ABHD4: variants seen among roughly 807,000 people sequenced by gnomAD.
ABHD4 encodes the protein abhydrolase domain containing 4, N-acyl phospholipase B.
ABHD4 carries 35 observed loss-of-function variants against 42.3 expected under a neutral mutation model. That is an observed-to-expected ratio of 0.83 (90% CI 0.63 to 1.10). The LOEUF (loss-of-function observed/expected upper bound fraction) is 1.10. ABHD4 is among the 50% of genes least tolerant of loss of function. The pLI, the probability that ABHD4 is intolerant of heterozygous loss-of-function variation, is 0.00. For synonymous variants in ABHD4, 169 were observed against 170.6 expected (o/e 0.99, Z 0.07); for missense variants, 389 against 454.8 (o/e 0.86, Z 1.32).
chr14:22,605,284 G>T (rs1327182689), intron 4 of ABHD4, among the ~76,000 whole-genome samples: 1 of 152,152 alleles, frequency 6.6e-6, no homozygotes, highest in Non-Finnish European at 1.5e-5. Flanking sequence ...GCAGAAAAGT[G>T]CAATCTTTTC....
At chr14:22,608,492 C>T (rs935902962) in intron 5 of ABHD4, among the ~76,000 whole-genome samples, 19 of 152,186 alleles carry the variant, frequency 1.2e-4, no homozygotes, top group African/African-American at 4.6e-4. Flanking sequence ...GAAACTGCTG[C>T]TCCCCCAGCC....
chr14:22,603,610 A>T lies in ABHD4; in HGVS notation c.333A>T (p.Pro111=). The change falls in exon 3 of 7, where the codon CCA becomes CCT. Residue 111 remains proline (P), a synonymous_variant. Coordinates refer to ENST00000428304, the MANE Select transcript of ABHD4 (RefSeq NM_022060.3). ...DLLGFGRSSR[P]AFPRDPEGAE... ...TTGGCTTCGGGCGAAGCTCAAGGCC[A>T]GCATTCCCAAGGGACCCGGAGGGGG... The T allele has an allele frequency of 6.2e-7, 1 of 1,614,214 alleles. No homozygotes were observed. Among genetic ancestry groups the T allele is most frequent in the Non-Finnish European group, 8.5e-7 (1 of 1,180,036 alleles).
At chr14:22,606,356 C>A in intron 4 of ABHD4, 66 bp from the exon 5 acceptor site, 3 of 1,030,938 alleles carry the variant, frequency 2.9e-6, no homozygotes, top group Non-Finnish European at 4.5e-6. Context: ...AAAACATACA[C>A]AGGCAGGAGT....
chr14:22,608,448 G>A (rs948577257), intron 5 of ABHD4, among the ~76,000 whole-genome samples: 1 of 152,206 alleles, frequency 6.6e-6, no homozygotes, highest in East Asian at 1.9e-4. Flanking sequence ...GAGTGAAATA[G>A]ATTACATTGG....
rs201330245 is a variant in ABHD4 at position 22,602,554 on chromosome 14, A to G, written c.112+799A>G. ...GTCTCTCACCCGAGGCTCAGTCCAC[A>G]CCCATCACTCCCTCCAACTGGCTGG... On this transcript the variant is annotated intron_variant, in intron 2 of 6. Transcript: ENST00000428304. 2.6e-5 allele frequency among the ~76,000 whole-genome samples: 4 copies of G among 151,888 alleles called. No individual in the cohort carries two copies. In the East Asian group the frequency reaches 7.8e-4, roughly 30 times the overall value.
chr14:22,603,685 G>A lies in ABHD4; in HGVS notation c.408G>A (p.Gly136=), dbSNP rs762167404. The change falls in exon 3 of 7, where the codon GGG becomes GGA. Residue 136 remains glycine, a synonymous_variant. Transcript: ENST00000428304. ...TSIETWRETM[G]IPSMILLGHS... ...TAGAGACATGGCGGGAGACCATGGG[G>A]ATCCCCAGCATGATCCTCCTGGGGC... The A allele has an allele frequency of 5.0e-6, 8 of 1,612,226 alleles. No individual in the cohort carries two copies. In the Admixed American group the frequency reaches 5.0e-5, roughly 10 times the overall value.
At chr14:22,603,298 A>C in intron 2 of ABHD4, 92 bp from the exon 3 acceptor site, 1 of 1,513,190 alleles carries the variant, frequency 6.6e-7, no homozygotes, top group Non-Finnish European at 9.1e-7. Context: ...GGGTTCGGGA[A>C]TGGAGAGAAT....
Position 22,603,628 on chromosome 14 carries a change from G to C in ABHD4, c.351G>C (p.Pro117=). 1.2e-6 allele frequency: 2 copies of C among 1,614,142 alleles called. No individual in the cohort carries two copies. The highest frequency in any genetic ancestry group is 1.7e-6 in the Non-Finnish European group (2 of 1,180,022). Reference sequence around the variant, plus strand: ...CAAGGCCAGCATTCCCAAGGGACCCGGAGGGGGCTGAGGATGAGTTTGTGA... The same window carrying C: ...CAAGGCCAGCATTCCCAAGGGACCCCGAGGGGGCTGAGGATGAGTTTGTGA... The part of the protein sequence containing the change: ...RSSRPAFPRD[P]EGAEDEFVTS... Residue 117 remains proline (P), a synonymous_variant, in exon 3 of 7, where the codon CCG becomes CCC. Coordinates refer to ENST00000428304, the MANE Select transcript of ABHD4 (RefSeq NM_022060.3).
At chr14:22,600,829 GGGGTGTGTGTGTGTGTGTGTGTGT>G (rs1461204014) in intron 1 of ABHD4, among the ~76,000 whole-genome samples, 6 of 125,222 alleles carry the variant, frequency 4.8e-5, no homozygotes, top group Non-Finnish European at 6.8e-5. Context: ...GTCCAGCAGG[GGGGTGTGTGTGTGTGTGTGTGTGT>G]GTGTGTGTGT....
Position 22,603,709 on chromosome 14 carries a change from G to T in ABHD4, c.432G>T (p.Gly144=). Residue 144 remains glycine (G), a synonymous_variant, in exon 3 of 7, where the codon GGG becomes GGT. Transcript: ENST00000428304. ...GGATCCCCAGCATGATCCTCCTGGG[G>T]CACAGTTTGGGAGGATTCCTGGCCA... The part of the protein sequence containing the change: ...TMGIPSMILL[G]HSLGGFLATS... 1 of 1,605,570 alleles carries T rather than the reference G, an allele frequency of 6.2e-7. No individual in the cohort carries two copies. The highest frequency in any genetic ancestry group is 8.5e-7 in the Non-Finnish European group (1 of 1,175,140).
In ABHD4 at chr14:22,611,696, G is replaced by A. The variant is rs187531751; in HGVS notation, c.*748G>A. On this transcript the variant is annotated 3_prime_UTR_variant, in exon 7 of 7. Coordinates refer to ENST00000428304, the MANE Select transcript of ABHD4 (RefSeq NM_022060.3). ...ATGGGGCTGGTCCTAGTCACTGGCC[G>A]AGGATAAGCCCGTCCCTGTCCCACA... The A allele has an allele frequency of 6.0e-3, 918 of 152,862 alleles. 2 individuals carry two copies. Among genetic ancestry groups the A allele is most frequent in the Non-Finnish European group, 9.6e-3 (656 of 68,154 alleles). 9.5% of individuals were successfully genotyped at this position (152,862 alleles called of 1,614,324 possible).
At chr14:22,598,546 G>A (rs753586490) in intron 1 of ABHD4, 4 of 1,373,316 alleles carry the variant, frequency 2.9e-6, no homozygotes, top group African/African-American at 1.4e-5. Context: ...GCGCTCGCCC[G>A]CAGCCCGGGG....
At position 22,611,238 on chromosome 14, in the gene ABHD4, G is replaced by A. The variant is rs1187320097; in HGVS notation, c.*290G>A. The A allele has an allele frequency of 1.3e-5, 5 of 392,430 alleles. No homozygotes were observed. The highest frequency in any genetic ancestry group is 2.4e-5 in the Non-Finnish European group (5 of 208,650). 24.3% of individuals were successfully genotyped at this position (392,430 alleles called of 1,614,324 possible). ...AAGTGTTACCCAGATGGTGGAGGATGTGAAGGGATTGCACCAAGCCACATT... is the reference window on the plus strand; with the variant it reads ...AAGTGTTACCCAGATGGTGGAGGATATGAAGGGATTGCACCAAGCCACATT... On this transcript the variant is annotated 3_prime_UTR_variant, in exon 7 of 7. Coordinates refer to ENST00000428304, the MANE Select transcript of ABHD4 (RefSeq NM_022060.3).
chr14:22,607,665 G>A (rs2037364578), intron 5 of ABHD4, among the ~76,000 whole-genome samples: 1 of 152,128 alleles, frequency 6.6e-6, no homozygotes, highest in South Asian at 2.1e-4. Flanking sequence ...CCTTCTCTCA[G>A]CCCCCATGGG....
intron 5 of ABHD4, 30 bp downstream of exon 5, chr14:22,606,563 G>A (rs753938580): frequency 6.7e-7 from 1 of 1,495,230 alleles, no homozygotes; most frequent in South Asian, 1.2e-5. Context: ...CCAGCTTGGG[G>A]CAGACAGTTG....
intron 1 of ABHD4, chr14:22,598,617 G>A (rs2037245831): frequency 1.4e-6 from 1 of 708,704 alleles, no homozygotes; most frequent in East Asian, 3.2e-5. Flanking sequence ...CCTCTGGAGA[G>A]ATTCCATGTT....
chr14:22,608,732 T>G (rs2037376281), intron 5 of ABHD4, among the ~76,000 whole-genome samples: 2 of 151,960 alleles, frequency 1.3e-5, no homozygotes, highest in African/African-American at 2.4e-5. Flanking sequence ...AGATGGAGGT[T>G]TGCTCATTGC....
chr14:22,602,529 GTC>G (rs1180086864), intron 2 of ABHD4, among the ~76,000 whole-genome samples: 1 of 152,104 alleles, frequency 6.6e-6, no homozygotes, highest in African/African-American at 2.4e-5. Flanking sequence ...CCCCACCTCA[GTC>G]TCTCACCCGA....
intron 1 of ABHD4, chr14:22,598,582 G>A (rs2037245532): frequency 3.0e-6 from 3 of 1,002,414 alleles, no homozygotes. Flanking sequence ...CTTAGTCCTC[G>A]CGAGTGCCCC....
Sources: gnomAD v4.1 joint callset for allele counts (sites outside exome capture counted in the v4.1 genomes callset) on GRCh38, gnomAD v4.1.1 for gene constraint, MANE v1.5 for transcripts, NCBI Gene and HGNC (gene_info 2026-07-23, HGNC 2026-07-21) for gene names.